Variants in DMD observed in about 807,000 individuals in gnomAD.
DMD encodes the protein mutant dystrophin.
Under a neutral mutation model 330.1 loss-of-function variants are expected in DMD, and 63 were observed. That is an observed-to-expected ratio of 0.19 (90% CI 0.16 to 0.24). The LOEUF (loss-of-function observed/expected upper bound fraction) is 0.24. Ranked by LOEUF, DMD falls within the 10% of genes least tolerant of loss-of-function variation. The probability of loss-of-function intolerance (pLI) is 1.00; values close to 1 mark genes in which losing one functional copy is unlikely to be tolerated. For missense variants in DMD, 3,344 were observed against 2,684.1 expected, an observed-to-expected ratio of 1.25 and a Z score of -5.43; for synonymous variants, 1,223 against 959.8, an observed-to-expected ratio of 1.27 and a Z score of -5.07.
chrX:31,151,800 C>G (rs894431306), intron 74 of DMD, among the ~76,000 whole-genome samples: 48 of 109,171 alleles, frequency 4.4e-4, no homozygotes, highest in African/African-American at 1.3e-3. Context: ...ATGACAGCTT[C>G]AAATATTACT....
intron 2 of DMD, among the ~76,000 whole-genome samples, chrX:32,936,802 A>G (rs750364858): frequency 4.4e-4 from 49 of 111,443 alleles, no homozygotes; most frequent in Non-Finnish European, 8.1e-4. Flanking sequence ...CCTAGTCCCA[A>G]TTTCTGGTGG....
chrX:31,251,714 T>C (rs2049383829), intron 63 of DMD, among the ~76,000 whole-genome samples: 1 of 112,373 alleles, frequency 8.9e-6, no homozygotes, highest in Non-Finnish European at 1.9e-5. Flanking sequence ...CATACAGAGG[T>C]AATCAGACTT....
chrX:32,492,033 G>A (rs2043045832), intron 19 of DMD, among the ~76,000 whole-genome samples: 1 of 111,919 alleles, frequency 8.9e-6, no homozygotes, highest in African/African-American at 3.2e-5. Context: ...TTCATTTACA[G>A]AAGATTAGAA....
intron 1 of DMD, among the ~76,000 whole-genome samples, chrX:33,281,300 C>T (rs1489041513): frequency 9.2e-6 from 1 of 108,228 alleles, no homozygotes; most frequent in African/African-American, 3.4e-5. Context: ...CCTCTCTCTC[C>T]CGGGTTCAAG....
At chrX:31,316,921 G>A (rs1224976750) in intron 62 of DMD, among the ~76,000 whole-genome samples, 1 of 112,163 alleles carries the variant, frequency 8.9e-6, no homozygotes. Context: ...CTGATTCTCT[G>A]TTGCATCCAC....
At chrX:33,203,365 C>T (rs188462910) in intron 1 of DMD, among the ~76,000 whole-genome samples, 3 of 111,237 alleles carry the variant, frequency 2.7e-5, no homozygotes, top group East Asian at 2.8e-4. Flanking sequence ...ATGGGGTTTC[C>T]GAAGAAGGTA....
chrX:32,211,745 C>T (rs775279382), intron 44 of DMD, among the ~76,000 whole-genome samples: 2 of 111,649 alleles, frequency 1.8e-5, no homozygotes, highest in African/African-American at 3.2e-5. Flanking sequence ...TGTATGTCTG[C>T]GACAACGTTC....
chrX:33,231,274 C>T (rs1291165914), intron 1 of DMD, among the ~76,000 whole-genome samples: 2 of 111,142 alleles, frequency 1.8e-5, no homozygotes, highest in East Asian at 2.8e-4. Context: ...AATGATAAGT[C>T]GTTCCAATTT....
At chrX:31,366,610 CTTTT>C (rs200210211) in intron 60 of DMD, among the ~76,000 whole-genome samples, 2 of 98,474 alleles carry the variant, frequency 2.0e-5, no homozygotes, top group Non-Finnish European at 4.1e-5. Flanking sequence ...AATTTTAAGA[CTTTT>C]TTTTTTAAGT....
chrX:32,754,511 T>C (rs1414245349), intron 7 of DMD, among the ~76,000 whole-genome samples: 2 of 104,729 alleles, frequency 1.9e-5, no homozygotes, highest in Admixed American at 1.1e-4. Flanking sequence ...CCATAGAACC[T>C]TAGCCACTGT....
intron 13 of DMD, among the ~76,000 whole-genome samples, chrX:32,585,768 C>T (rs1459363447): frequency 9.7e-6 from 1 of 103,459 alleles, no homozygotes; most frequent in African/African-American, 3.5e-5. Flanking sequence ...TATATTTCCC[C>T]TGTAATTTTG....
intron 47 of DMD, among the ~76,000 whole-genome samples, chrX:31,913,775 C>G (rs1307600064): frequency 9.1e-6 from 1 of 109,991 alleles, no homozygotes; most frequent in Admixed American, 9.7e-5. Context: ...AAAAACAAAA[C>G]AAAAACACTT....
intron 74 of DMD, among the ~76,000 whole-genome samples, chrX:31,162,356 T>TAAAAAAA (rs57908991): frequency 0.12 from 5,799 of 50,320 alleles, 544 homozygotes; most frequent in Non-Finnish European, 0.15. Flanking sequence ...ATGAAAAATC[T>TAAAAAAA]AAAAAAAAAA....
At chrX:32,417,417 A>C (rs1202996341) in intron 29 of DMD, among the ~76,000 whole-genome samples, 1 of 111,500 alleles carries the variant, frequency 9.0e-6, no homozygotes, top group Non-Finnish European at 1.9e-5. Context: ...GAGCTCCAAG[A>C]CCACTGATCA....
chrX:32,136,915 C>CGAGTT (rs1380836765), intron 44 of DMD, among the ~76,000 whole-genome samples: 1 of 110,195 alleles, frequency 9.1e-6, no homozygotes, highest in Non-Finnish European at 1.9e-5. Flanking sequence ...AGCTAGATGA[C>CGAGTT]GAGTTAGTGG....
chrX:32,885,827 G>GAAAAAA (rs35272541), intron 2 of DMD, among the ~76,000 whole-genome samples: 1 of 64,940 alleles, frequency 1.5e-5, no homozygotes, highest in Non-Finnish European at 2.8e-5. Context: ...CCTTGAGGGG[G>GAAAAAA]AAAAAAAAAA....
At chrX:32,054,865 AAGGGAAGGGG>A (rs2096154655) in intron 44 of DMD, among the ~76,000 whole-genome samples, 1 of 57,448 alleles carries the variant, frequency 1.7e-5, no homozygotes, top group East Asian at 7.6e-4. Context: ...GAGGGGAGGG[AAGGGAAGGGG>A]AGGGGAGGGG....
chrX:33,007,246 T>C (rs1436075651), intron 2 of DMD, among the ~76,000 whole-genome samples: 2 of 110,824 alleles, frequency 1.8e-5, no homozygotes, highest in Non-Finnish European at 3.8e-5. Context: ...ACCACTCCAC[T>C]TGCAGATCCT....
At chrX:31,225,211 T>A (rs2046461032) in intron 63 of DMD, among the ~76,000 whole-genome samples, 1 of 112,397 alleles carries the variant, frequency 8.9e-6, no homozygotes, top group African/African-American at 3.2e-5. Context: ...TGTGTTAGCT[T>A]AAGCTACACT....
Sources: gnomAD v4.1 joint callset for allele counts (sites outside exome capture counted in the v4.1 genomes callset) on GRCh38, gnomAD v4.1.1 for gene constraint, MANE v1.5 for transcripts, NCBI Gene and HGNC (gene_info 2026-07-23, HGNC 2026-07-21) for gene names.